IFNAR2: variants seen among roughly 807,000 people sequenced by gnomAD.
IFNAR2 encodes the protein interferon alpha and beta receptor subunit 2.
IFNAR2 carries 30 observed loss-of-function variants against 49.4 expected under a neutral mutation model. The observed-to-expected ratio is 0.61, with a 90% CI of 0.45 to 0.82. The LOEUF (loss-of-function observed/expected upper bound fraction) is 0.82, where lower values mean the gene tolerates loss of function less well. Ranked by LOEUF, IFNAR2 falls within the 40% of genes least tolerant of loss-of-function variation. IFNAR2 has a pLI of 0.00. For synonymous variants in IFNAR2, 224 were observed against 234.5 expected (o/e 0.96, Z 0.41); for missense variants, 600 against 622.7 (o/e 0.96, Z 0.39).
intron 1 of IFNAR2, among the ~76,000 whole-genome samples, chr21:33,232,573 T>C (rs1010907381): frequency 6.6e-6 from 1 of 151,902 alleles, no homozygotes. Context: ...ATTTAAAATT[T>C]AAATGTGTCT....
chr21:33,243,268 G>A (rs1282364331), intron 2 of IFNAR2, among the ~76,000 whole-genome samples: 1 of 152,058 alleles, frequency 6.6e-6, no homozygotes, highest in Non-Finnish European at 1.5e-5. Flanking sequence ...ATTTTTAGTA[G>A]AGACAGGGTT....
chr21:33,264,691 G>C lies in IFNAR2; in HGVS notation c.*1191G>C, dbSNP rs566639764. On this transcript the variant is annotated 3_prime_UTR_variant, in exon 9 of 9. Transcript: ENST00000342136. ...TAGGCCGGGTTGGGGGGGTGTGGGC[G>C]GGGGAAGGGAAGTCTGGCCCGGAGC... 2 of 151,954 alleles carry C rather than the reference G, an allele frequency of 1.3e-5. No homozygotes were observed. The highest frequency in any genetic ancestry group is 4.8e-5 in the African/African-American group (2 of 41,360). The allele number at this position is 151,954 out of a possible 1,614,324, so 9.4% of individuals were successfully genotyped here.
At chr21:33,234,439 T>C (rs1363022782) in intron 1 of IFNAR2, among the ~76,000 whole-genome samples, 3 of 152,236 alleles carry the variant, frequency 2.0e-5, no homozygotes. Context: ...AAAAGATATG[T>C]AATTGTTTTT....
intron 7 of IFNAR2, among the ~76,000 whole-genome samples, chr21:33,254,786 C>T (rs529810678): frequency 2.0e-5 from 3 of 152,276 alleles, no homozygotes; most frequent in East Asian, 3.9e-4. Context: ...TTGATTGATG[C>T]CTTATGTCTC....
At chr21:33,247,707 A>G (rs1171821136) in intron 5 of IFNAR2, among the ~76,000 whole-genome samples, 1 of 152,214 alleles carries the variant, frequency 6.6e-6, no homozygotes, top group Non-Finnish European at 1.5e-5. Context: ...CCTGTGACTC[A>G]AGTCAGTTCC....
intron 6 of IFNAR2, among the ~76,000 whole-genome samples, chr21:33,250,244 T>C (rs1987745640): frequency 6.6e-6 from 1 of 152,148 alleles, no homozygotes. Context: ...TGGAGTGTCA[T>C]TAAATCTGTT....
intron 1 of IFNAR2, chr21:33,234,626 C>A: frequency 4.7e-6 from 2 of 422,160 alleles, no homozygotes; most frequent in Non-Finnish European, 6.4e-6. Flanking sequence ...AGAATCACTT[C>A]ACTCAATCCA....
rs758435981 is a variant in IFNAR2, at chr21:33,246,703, T to A, written c.222-15T>A. 6.2e-7 allele frequency: 1 copy of A among 1,602,428 alleles called. No homozygotes were observed. The highest frequency in any genetic ancestry group is 1.3e-5 in the African/African-American group (1 of 74,320). On this transcript the variant is annotated splice_polypyrimidine_tract_variant and intron_variant, in intron 4 of 8. Coordinates refer to ENST00000342136, the MANE Select transcript of IFNAR2 (RefSeq NM_001289125.3). ...ATGCTAACAATTTCCTTTTTCCATTTTTTTCTTTCCAAAGTAAACCAGAAG... is the reference window on the plus strand; with the variant it reads ...ATGCTAACAATTTCCTTTTTCCATTATTTTCTTTCCAAAGTAAACCAGAAG...
Position 33,258,045 on chromosome 21 carries a change from C to T in IFNAR2, c.710-2552C>T, listed in dbSNP as rs191398742. ...CTTGGCCAGGCGCAGTGGCTCATGCCTGTAATTCCAGCACTTTGGGGGGCC... is the reference window on the plus strand; with the variant it reads ...CTTGGCCAGGCGCAGTGGCTCATGCTTGTAATTCCAGCACTTTGGGGGGCC... On this transcript the variant is annotated intron_variant, in intron 7 of 8. Transcript: ENST00000342136. Among the ~76,000 whole-genome samples, 312 of 152,334 alleles carry T rather than the reference C, an allele frequency of 2.0e-3. 3 individuals are homozygous for T. The highest frequency in any genetic ancestry group is 7.4e-3 in the African/African-American group (306 of 41,578).
chr21:33,238,448 GC>G (rs1317979328), intron 1 of IFNAR2, among the ~76,000 whole-genome samples: 1 of 152,064 alleles, frequency 6.6e-6, no homozygotes, highest in Admixed American at 6.6e-5. Flanking sequence ...ACAGAAGAAT[GC>G]CCACAATCTA....
intron 7 of IFNAR2, among the ~76,000 whole-genome samples, chr21:33,255,575 G>A (rs1988154690): frequency 9.3e-6 from 1 of 107,614 alleles, no homozygotes; most frequent in East Asian, 2.7e-4. Context: ...CCAAGTGCAG[G>A]AGCTTCTGTC....
At chr21:33,247,278 G>GTTTTTTTT (rs1555858433) in intron 5 of IFNAR2, among the ~76,000 whole-genome samples, 1 of 86,018 alleles carries the variant, frequency 1.2e-5, no homozygotes, top group Non-Finnish European at 2.5e-5. Flanking sequence ...TTGAGATGGA[G>GTTTTTTTT]TTTCACTCTG....
At position 33,241,909 on chromosome 21, in the gene IFNAR2, T is replaced by A; in HGVS notation, c.-14T>A. ...AGATGTAAAAGTCAAGAGAAGACTC[T>A]AAAAATAGCAAAGATGCTTTTGAGC... On this transcript the variant is annotated 5_prime_UTR_variant, in exon 2 of 9. An upstream open reading frame in the 5' UTR loses its in-frame stop. Coordinates refer to ENST00000342136, the MANE Select transcript of IFNAR2 (RefSeq NM_001289125.3). 6.2e-7 allele frequency: 1 copy of A among 1,611,742 alleles called. No homozygotes were observed. The highest frequency in any genetic ancestry group is 8.5e-7 in the Non-Finnish European group (1 of 1,178,194).
intron 1 of IFNAR2, chr21:33,236,830 T>C: frequency 1.0e-6 from 1 of 984,316 alleles, no homozygotes; most frequent in Non-Finnish European, 1.2e-6. Context: ...AGGATCCTTC[T>C]AGCTGCAGGG....
chr21:33,236,846 G>A (rs962405614), intron 1 of IFNAR2: 1 of 984,926 alleles, frequency 1.0e-6, no homozygotes, highest in Non-Finnish European at 1.2e-6. Context: ...CAGGGCCTGG[G>A]GGTACTGAGA....
intron 1 of IFNAR2, chr21:33,237,002 A>G (rs1325258434): frequency 4.0e-6 from 2 of 503,312 alleles, no homozygotes; most frequent in Non-Finnish European, 2.6e-6. Flanking sequence ...GTAATCAGGC[A>G]TATGGTTCCA....
Position 33,260,852 on chromosome 21 carries a change from T to G in IFNAR2, c.840+125T>G, listed in dbSNP as rs184361235. ...CATTTTCTATAAACACCAAAATGCTTTCTCACTCTGAGTTCTTTTCCATAT... is the reference window on the plus strand; with the variant it reads ...CATTTTCTATAAACACCAAAATGCTGTCTCACTCTGAGTTCTTTTCCATAT... On this transcript the variant is annotated intron_variant, in intron 8 of 8. Coordinates refer to ENST00000342136, the MANE Select transcript of IFNAR2 (RefSeq NM_001289125.3). 7.5e-5 allele frequency: 44 copies of G among 585,282 alleles called. 2 individuals carry two copies. In the Admixed American group the frequency reaches 1.4e-3, roughly 19 times the overall value. The allele number at this position is 585,282 out of a possible 1,614,324, so 36.3% of individuals were successfully genotyped here.
Position 33,263,116 on chromosome 21 carries a change from G to A in IFNAR2, c.1164G>A (p.Leu388=), listed in dbSNP as rs1350644974. ...PTMPKDSPQQ[L]ELLSGPCERR... Reference sequence around the variant, plus strand: ...TGCCAAAGGACAGCCCTCAGCAGTTGGAACTCTTGAGTGGGCCCTGTGAGA... The same window carrying A: ...TGCCAAAGGACAGCCCTCAGCAGTTAGAACTCTTGAGTGGGCCCTGTGAGA... The change falls in exon 9 of 9, where the codon TTG becomes TTA. Residue 388 remains leucine, a synonymous_variant. Coordinates refer to ENST00000342136, the MANE Select transcript of IFNAR2 (RefSeq NM_001289125.3). 6.2e-7 allele frequency: 1 copy of A among 1,614,182 alleles called. No individual in the cohort carries two copies. Among genetic ancestry groups the A allele is most frequent in the African/African-American group, 1.3e-5 (1 of 75,046 alleles).
At chr21:33,252,622 GA>G (rs1477440288) in intron 6 of IFNAR2, 39 bp from the exon 7 acceptor site, 1 of 1,590,716 alleles carries the variant, frequency 6.3e-7, no homozygotes, top group East Asian at 2.2e-5. Flanking sequence ...ACCTCTAAAT[GA>G]AATTCTCAGT....
Sources: allele counts gnomAD v4.1 joint callset (sites outside exome capture counted in the v4.1 genomes callset), GRCh38; gene constraint gnomAD v4.1.1; transcripts MANE v1.5; gene names NCBI Gene and HGNC (gene_info 2026-07-23, HGNC 2026-07-21).